RSU1: variants seen among roughly 807,000 people sequenced by gnomAD.
RSU1 encodes Ras suppressor protein 1.
A neutral mutation model predicts 31.1 loss-of-function variants in RSU1; 26 were observed. The observed-to-expected ratio is 0.84, with a 90% CI of 0.61 to 1.16. RSU1 has a LOEUF of 1.16. Ranked by LOEUF, RSU1 falls within the 50% of genes most tolerant of loss-of-function variation. The probability of loss-of-function intolerance (pLI) is 0.00; values close to 1 mark genes in which losing one functional copy is unlikely to be tolerated. For synonymous variants in RSU1, 164 were observed against 136.3 expected (o/e 1.20, Z -1.41); for missense variants, 320 against 339.1 (o/e 0.94, Z 0.44).
intron 6 of RSU1, 52 bp from the exon 7 acceptor site, chr10:16,752,705 C>A: frequency 2.2e-6 from 3 of 1,355,830 alleles, no homozygotes; most frequent in Non-Finnish European, 3.2e-6. Context: ...AAAGGTGCTC[C>A]ACAGAAACTC....
At chr10:16,702,908 C>A (rs977462074) in intron 7 of RSU1, among the ~76,000 whole-genome samples, 5 of 152,198 alleles carry the variant, frequency 3.3e-5, no homozygotes, top group Non-Finnish European at 7.3e-5. Context: ...ACAGATCGAA[C>A]TGCAAACCTC....
intron 8 of RSU1, among the ~76,000 whole-genome samples, chr10:16,614,038 G>A (rs1454625324): frequency 6.6e-6 from 1 of 152,116 alleles, no homozygotes; most frequent in African/African-American, 2.4e-5. Context: ...AAAAATAAAA[G>A]TTCAAAACAT....
chr10:16,797,621 T>C (rs1390196860), intron 2 of RSU1, among the ~76,000 whole-genome samples: 3 of 152,122 alleles, frequency 2.0e-5, no homozygotes, highest in Admixed American at 6.5e-5. Context: ...GGCAAAACTA[T>C]AATTGACTAT....
At chr10:16,789,526 C>T (rs182552784) in intron 2 of RSU1, among the ~76,000 whole-genome samples, 40 of 152,244 alleles carry the variant, frequency 2.6e-4, no homozygotes, top group African/African-American at 9.1e-4. Context: ...CCTTTCCACT[C>T]GGGAATGGTG....
In RSU1 at chr10:16,757,717, C is replaced by A. The variant is rs74430167; in HGVS notation, c.282-2728G>T. ...GTGTCTGGAAACACCCCATACCGCA[C>A]GGAGGCCAAAGCTGCTCCAGACCCT... is the stretch of plus-strand genomic sequence containing the variant. On this transcript the variant is annotated intron_variant, in intron 4 of 8. Coordinates refer to ENST00000345264, the MANE Select transcript of RSU1 (RefSeq NM_012425.4). Among the ~76,000 whole-genome samples, 1,067 of 152,278 alleles carry A rather than the reference C, an allele frequency of 7.0e-3. 10 individuals carry two copies. Among genetic ancestry groups the A allele is most frequent in the African/African-American group, 0.024 (1,009 of 41,556 alleles).
intron 8 of RSU1, among the ~76,000 whole-genome samples, chr10:16,654,300 T>C (rs1404026009): frequency 3.4e-5 from 5 of 146,466 alleles, no homozygotes; most frequent in Non-Finnish European, 5.9e-5. Context: ...ACCGCTCATA[T>C]GGTGTGACCC....
intron 7 of RSU1, among the ~76,000 whole-genome samples, chr10:16,746,240 T>C (rs1278214020): frequency 1.3e-5 from 2 of 152,206 alleles, no homozygotes; most frequent in African/African-American, 4.8e-5. Flanking sequence ...TGTTATTGAT[T>C]GTGGGCACAT....
intron 2 of RSU1, among the ~76,000 whole-genome samples, chr10:16,798,235 C>G (rs1473855343): frequency 1.3e-5 from 2 of 152,130 alleles, no homozygotes; most frequent in African/African-American, 4.8e-5. Context: ...AATCAACATA[C>G]AGACCCCAGA....
rs565797216 is a variant in RSU1, at chr10:16,813,609, A to C, written c.109+3364T>G. Among the ~76,000 whole-genome samples, 8 of 152,366 alleles carry C rather than the reference A, an allele frequency of 5.3e-5. No homozygotes were observed. In the East Asian group the frequency reaches 1.5e-3, roughly 29 times the overall value. On this transcript the variant is annotated intron_variant, in intron 2 of 8. Coordinates refer to ENST00000345264, the MANE Select transcript of RSU1 (RefSeq NM_012425.4). ...TGGTTTCTTAGGCTACCAATTATTA[A>C]GTAACTTGAGGATCAGAGAGGTTAA...
chr10:16,814,051 G>T (rs1188067271), intron 2 of RSU1, among the ~76,000 whole-genome samples: 1 of 152,190 alleles, frequency 6.6e-6, no homozygotes, highest in African/African-American at 2.4e-5. Flanking sequence ...TGAGATGCAA[G>T]AAACAGCTAT....
chr10:16,770,476 T>C (rs1194913659), intron 3 of RSU1, among the ~76,000 whole-genome samples: 1 of 152,174 alleles, frequency 6.6e-6, no homozygotes, highest in African/African-American at 2.4e-5. Flanking sequence ...GCATGAAATC[T>C]GGAGGTGACC....
At chr10:16,813,640 T>G (rs1350520325) in intron 2 of RSU1, among the ~76,000 whole-genome samples, 3 of 152,226 alleles carry the variant, frequency 2.0e-5, no homozygotes, top group African/African-American at 7.2e-5. Context: ...GTTAAGTAGC[T>G]TCTCTAAGGT....
intron 7 of RSU1, among the ~76,000 whole-genome samples, chr10:16,740,702 T>A (rs1836732642): frequency 6.6e-6 from 1 of 152,060 alleles, no homozygotes; most frequent in South Asian, 2.1e-4. Context: ...ATTAAGAAAA[T>A]AATTTCATAT....
intron 8 of RSU1, among the ~76,000 whole-genome samples, chr10:16,691,187 A>G (rs1300479903): frequency 6.6e-6 from 1 of 152,190 alleles, no homozygotes; most frequent in Non-Finnish European, 1.5e-5. Context: ...TAATTCGCAT[A>G]ATATTTTTCA....
intron 3 of RSU1, among the ~76,000 whole-genome samples, chr10:16,772,641 G>GAAAAAAAAAAAAAAAAAAAAAAAAAAA (rs60460081): frequency 4.6e-5 from 3 of 64,774 alleles, no homozygotes; most frequent in African/African-American, 1.7e-4. Flanking sequence ...AGTAGAATAT[G>GAAAAAAAAAAAAAAAAAAAAAAAAAAA]AAAAAAAAAA....
intron 7 of RSU1, among the ~76,000 whole-genome samples, chr10:16,706,360 A>G (rs188251858): frequency 6.3e-4 from 96 of 152,298 alleles, no homozygotes; most frequent in African/African-American, 2.0e-3. Flanking sequence ...AGAGATGTTG[A>G]ACATTTTTTC....
chr10:16,596,134 T>C (rs752885286), intron 8 of RSU1, among the ~76,000 whole-genome samples: 78 of 151,888 alleles, frequency 5.1e-4, no homozygotes, highest in Non-Finnish European at 9.6e-4. Flanking sequence ...AGATAGGGAG[T>C]AAAGTTCAGC....
At chr10:16,813,120 C>A (rs1838443986) in intron 2 of RSU1, among the ~76,000 whole-genome samples, 1 of 152,032 alleles carries the variant, frequency 6.6e-6, no homozygotes, top group Non-Finnish European at 1.5e-5. Flanking sequence ...TTGCACATCA[C>A]CCTCAGCTCA....
chr10:16,810,237 T>TA (rs1475946708), intron 2 of RSU1, among the ~76,000 whole-genome samples: 2 of 147,814 alleles, frequency 1.4e-5, no homozygotes, highest in African/African-American at 5.2e-5. Flanking sequence ...TCTCAAAAAA[T>TA]AAAAAAATAA....
Sources: allele counts gnomAD v4.1 joint callset (sites outside exome capture counted in the v4.1 genomes callset), GRCh38; gene constraint gnomAD v4.1.1; transcripts MANE v1.5; gene names NCBI Gene and HGNC (gene_info 2026-07-23, HGNC 2026-07-21).